Variants in TEX9 observed in about 807,000 individuals in gnomAD.
The protein encoded by TEX9 is testis-expressed protein 9.
Under a neutral mutation model 59.6 loss-of-function variants are expected in TEX9, and 74 were observed. The observed-to-expected ratio is 1.24, with a 90% confidence interval of 1.03 to 1.51. The LOEUF (loss-of-function observed/expected upper bound fraction) is 1.51, where lower values mean the gene tolerates loss of function less well. TEX9 is among the 40% of genes most tolerant of loss of function. The probability of loss-of-function intolerance (pLI) is 0.00; values close to 1 mark genes in which losing one functional copy is unlikely to be tolerated. For missense variants in TEX9, 522 were observed against 447.8 expected, an observed-to-expected ratio of 1.17 and a Z score of -1.49; for synonymous variants, 186 against 152.2, an observed-to-expected ratio of 1.22 and a Z score of -1.64.
chr15:56,343,117 C>T (rs908356128), intron 1 of TEX9, among the ~76,000 whole-genome samples: 1 of 151,988 alleles, frequency 6.6e-6, no homozygotes, highest in Admixed American at 6.6e-5. Flanking sequence ...AAAGAAAAAT[C>T]TGATAGGTTT....
chr15:56,443,040 CTAG>C (rs2050846408), intron 12 of TEX9, among the ~76,000 whole-genome samples: 1 of 152,142 alleles, frequency 6.6e-6, no homozygotes, highest in East Asian at 1.9e-4. Flanking sequence ...ATGACATCTT[CTAG>C]ATGAATTTAC....
the TEX9 span, among the ~76,000 whole-genome samples, chr15:56,458,353 T>C: frequency 6.6e-6 from 1 of 152,152 alleles, no homozygotes; most frequent in African/African-American, 2.4e-5. Flanking sequence ...AGAGTTCCCA[T>C]ATATTCCCTG....
intron 1 of TEX9, among the ~76,000 whole-genome samples, chr15:56,317,889 T>C (rs891896415): frequency 1.4e-4 from 22 of 152,010 alleles, no homozygotes; most frequent in African/African-American, 5.3e-4. Flanking sequence ...TTGAGGCTTG[T>C]TTTATGGCCT....
At chr15:56,279,240 C>T (rs1363649278) in intron 1 of TEX9, among the ~76,000 whole-genome samples, 1 of 152,122 alleles carries the variant, frequency 6.6e-6, no homozygotes, top group Non-Finnish European at 1.5e-5. Context: ...AAACCACCAA[C>T]CTTTATACTT....
At chr15:56,245,264 G>T (rs1319005408) in intron 1 of TEX9, among the ~76,000 whole-genome samples, 2 of 152,156 alleles carry the variant, frequency 1.3e-5, no homozygotes, top group African/African-American at 4.8e-5. Flanking sequence ...ACAGACTTAA[G>T]GCCCAGACTC....
chr15:56,391,065 A>G (rs1000175712), intron 6 of TEX9, among the ~76,000 whole-genome samples, 178 bp from the exon 7 acceptor site: 3 of 152,060 alleles, frequency 2.0e-5, no homozygotes, highest in Non-Finnish European at 4.4e-5. Context: ...AAAATGTGTA[A>G]TAGTAGTCTC....
At chr15:56,448,102 A>G (rs1474179479), downstream of TEX9, among the ~76,000 whole-genome samples, 2 of 152,214 alleles carry the variant, frequency 1.3e-5, no homozygotes, top group Admixed American at 6.5e-5. Context: ...TAAAGCTGCT[A>G]TGGAAATTTG....
At chr15:56,295,967 C>T (rs1448427479) in intron 1 of TEX9, among the ~76,000 whole-genome samples, 2 of 152,186 alleles carry the variant, frequency 1.3e-5, no homozygotes, top group East Asian at 1.9e-4. Flanking sequence ...CTCCTGGCTT[C>T]ATATTTTCTA....
chr15:56,302,879 T>A (rs1193848512), intron 1 of TEX9, among the ~76,000 whole-genome samples: 5 of 152,142 alleles, frequency 3.3e-5, no homozygotes, highest in Non-Finnish European at 5.9e-5. Context: ...ATGTTTCATG[T>A]AAATGGAAAC....
At chr15:56,401,705 T>C (rs1013466250) in intron 9 of TEX9, among the ~76,000 whole-genome samples, 1 of 152,182 alleles carries the variant, frequency 6.6e-6, no homozygotes, top group Non-Finnish European at 1.5e-5. Context: ...ATCACACTTA[T>C]TCTAAAATTG....
chr15:56,457,614 G>A, the TEX9 span, among the ~76,000 whole-genome samples: 1 of 152,122 alleles, frequency 6.6e-6, no homozygotes, highest in Admixed American at 6.6e-5. Flanking sequence ...TTAAGGCCAG[G>A]AGTTTGAGAC....
chr15:56,308,898 C>T (rs2045542048), intron 1 of TEX9, among the ~76,000 whole-genome samples: 1 of 152,024 alleles, frequency 6.6e-6, no homozygotes, highest in African/African-American at 2.4e-5. Flanking sequence ...AGTTCTTTAC[C>T]ATTGATCTGT....
intron 12 of TEX9, chr15:56,429,201 A>G: frequency 6.4e-7 from 1 of 1,566,662 alleles, no homozygotes; most frequent in Non-Finnish European, 8.7e-7. Flanking sequence ...TCCCTACGAG[A>G]AAAATACTTT....
intron 1 of TEX9, among the ~76,000 whole-genome samples, chr15:56,312,269 C>T (rs113652661): frequency 0.31 from 38,202 of 124,688 alleles, 6,447 homozygotes; most frequent in Middle Eastern, 0.47. Flanking sequence ...AGGGTTTTTA[C>T]GGTTTTAGGT....
At chr15:56,374,313 AGGGGTTGG>A (rs1286712249) in intron 3 of TEX9, 1 of 152,134 alleles carries the variant, frequency 6.6e-6, no homozygotes, top group Admixed American at 6.6e-5. Flanking sequence ...AAGCTAGGAA[AGGGGTTGG>A]GGAATGGATT....
chr15:56,352,089 T>C (rs183809426), intron 1 of TEX9, among the ~76,000 whole-genome samples: 173 of 152,298 alleles, frequency 1.1e-3, no homozygotes, highest in Non-Finnish European at 2.0e-3. Context: ...TATTCTAAAA[T>C]GAACAAGAAT....
At chr15:56,306,906 A>AAGAAACTT (rs1268944955) in intron 1 of TEX9, among the ~76,000 whole-genome samples, 1 of 152,238 alleles carries the variant, frequency 6.6e-6, no homozygotes, top group African/African-American at 2.4e-5. Flanking sequence ...TGAAAATTAA[A>AAGAAACTT]AGAAACTTAT....
intron 9 of TEX9, chr15:56,408,714 A>ATCTG (rs145729659): frequency 1.6e-3 from 2 of 1,250 alleles, no homozygotes. Context: ...AGTCATCTTG[A>ATCTG]TCTGTTTTCC....
chr15:56,415,507 C>T (rs903466130), intron 10 of TEX9, among the ~76,000 whole-genome samples: 3 of 151,592 alleles, frequency 2.0e-5, no homozygotes, highest in Admixed American at 2.0e-4. Flanking sequence ...TTTCCCATTG[C>T]TTTTGTCAGG....
Sources: allele counts gnomAD v4.1 joint callset (sites outside exome capture counted in the v4.1 genomes callset), GRCh38; gene constraint gnomAD v4.1.1; transcripts MANE v1.5; gene names NCBI Gene and HGNC (gene_info 2026-07-23, HGNC 2026-07-21).